The following BBS12 variants were observed in gnomAD, a reference collection of about 807,000 sequenced individuals.
BBS12 encodes the protein Bardet-Biedl syndrome 12, also known as chaperonin-containing T-complex member BBS12.
In BBS12, 5 loss-of-function variants were observed where a neutral mutation model predicts 5.6. The observed-to-expected ratio is 0.89, with a 90% confidence interval of 0.46 to 1.86. BBS12 has a LOEUF of 1.86. Ranked by LOEUF, BBS12 falls within the 40% of genes most tolerant of loss-of-function variation. The pLI, the probability that BBS12 is intolerant of heterozygous loss-of-function variation, is 0.01. For missense variants in BBS12, 748 were observed against 830.4 expected, an observed-to-expected ratio of 0.90 and a Z score of 1.22; for synonymous variants, 308 against 306.8, an observed-to-expected ratio of 1.00 and a Z score of -0.04.
rs1387834448 is a variant in BBS12, at chr4:122,744,531, C to T, written c.*506C>T. On this transcript the variant is annotated 3_prime_UTR_variant, in exon 2 of 2. Coordinates refer to ENST00000314218, the MANE Select transcript of BBS12 (RefSeq NM_152618.3). ...GACATGGACTAGGTAAAGACAAAGT[C>T]CTTGCATTCTTGACATACCCAGTAA... The T allele has an allele frequency of 5.9e-6, 1 of 170,250 alleles. No homozygotes were observed. Among genetic ancestry groups the T allele is most frequent in the African/African-American group, 2.4e-5 (1 of 41,468 alleles). 10.5% of individuals were successfully genotyped at this position (170,250 alleles called of 1,614,324 possible).
the BBS12 span, among the ~76,000 whole-genome samples, chr4:122,727,697 C>T: frequency 8.6e-5 from 13 of 150,298 alleles, no homozygotes; most frequent in Admixed American, 4.6e-4. Context: ...GGATTACAGG[C>T]GCCTGCCACC....
rs144843913 is a variant in BBS12, at chr4:122,743,916, G to A, written c.2024G>A (p.Arg675Gln). The A allele has an allele frequency of 2.1e-5, 34 of 1,607,354 alleles. No individual in the cohort carries two copies. The highest frequency in any genetic ancestry group is 1.2e-4 in the African/African-American group (9 of 74,532). Residue 675 changes from arginine (R) to glutamine (Q), a missense_variant, in exon 2 of 2, where the codon CGA becomes CAA. Physicochemically the swap from Arg to Gln is conservative, Grantham distance 43. Transcript: ENST00000314218. ...ACACCAAAGATTGAGGCGTGGCGCC[G>A]AGCATTGGATTTAGTATTGTTAGTA... is the stretch of plus-strand genomic sequence containing the variant. ...VVTPKIEAWR[R>Q]ALDLVLLVLQ... is the part of the protein sequence containing the mutation.
the BBS12 span, among the ~76,000 whole-genome samples, chr4:122,724,027 GT>G: frequency 6.6e-6 from 1 of 152,142 alleles, no homozygotes; most frequent in East Asian, 1.9e-4. Flanking sequence ...CTCTTAGTTG[GT>G]TCCTTGTATA....
At chr4:122,727,544 A>ATTTTTTTTTTTTTTTTTTTTTTTT in the BBS12 span, among the ~76,000 whole-genome samples, 72 of 82,278 alleles carry the variant, frequency 8.8e-4, 17 homozygotes, top group East Asian at 6.1e-3. Flanking sequence ...CCCCTGGCCA[A>ATTTTTTTTTTTTTTTTTTTTTTTT]TTTTTTTTTT....
chr4:122,721,883 C>T, the BBS12 span, among the ~76,000 whole-genome samples: 3 of 152,148 alleles, frequency 2.0e-5, no homozygotes, highest in Non-Finnish European at 4.4e-5. Flanking sequence ...GGAAATTAAG[C>T]CTCTACCTGT....
At chr4:122,736,841 G>A (rs185928962) in intron 1 of BBS12, among the ~76,000 whole-genome samples, 9 of 152,174 alleles carry the variant, frequency 5.9e-5, no homozygotes, top group East Asian at 1.9e-4. Context: ...AATTATAGCC[G>A]ACTGTAACCT....
the BBS12 span, among the ~76,000 whole-genome samples, chr4:122,723,737 A>G: frequency 6.6e-6 from 1 of 152,228 alleles, no homozygotes; most frequent in Non-Finnish European, 1.5e-5. Flanking sequence ...ACTAAACAAC[A>G]GCTTAGAGGA....
At chr4:122,728,651 G>T (rs574882703), upstream of BBS12, 2 of 152,286 alleles carry the variant, frequency 1.3e-5, no homozygotes, top group East Asian at 3.9e-4. Context: ...TGGTCTAGAA[G>T]AAATGTTACA....
chr4:122,726,871 T>C, the BBS12 span, among the ~76,000 whole-genome samples: 6 of 152,170 alleles, frequency 3.9e-5, no homozygotes, highest in African/African-American at 1.4e-4. Flanking sequence ...CCAAACATCA[T>C]ATGTTCTCAC....
intron 1 of BBS12, among the ~76,000 whole-genome samples, chr4:122,740,379 A>C (rs922275432): frequency 5.3e-5 from 8 of 152,262 alleles, no homozygotes; most frequent in Non-Finnish European, 1.5e-5. Context: ...TATGTCAAGC[A>C]TTCATTATTC....
chr4:122,716,623 A>T, the BBS12 span, among the ~76,000 whole-genome samples: 1 of 85,722 alleles, frequency 1.2e-5, no homozygotes, highest in Admixed American at 1.0e-4. Context: ...GTATATGCAC[A>T]TACACATATG....
At chr4:122,724,111 A>G in the BBS12 span, among the ~76,000 whole-genome samples, 3 of 152,344 alleles carry the variant, frequency 2.0e-5, no homozygotes, top group Non-Finnish European at 2.9e-5. Context: ...CTATTGCTGC[A>G]TAACTGTCCC....
At chr4:122,727,100 A>T in the BBS12 span, among the ~76,000 whole-genome samples, 96 of 151,950 alleles carry the variant, frequency 6.3e-4, no homozygotes, top group Non-Finnish European at 3.8e-4. Flanking sequence ...AAATAAAAAC[A>T]TTTTTTTAAA....
At chr4:122,734,593 A>G (rs71606261) in intron 1 of BBS12, among the ~76,000 whole-genome samples, 2,829 of 152,234 alleles carry the variant, frequency 0.019, 47 homozygotes, top group Non-Finnish European at 0.031. Flanking sequence ...TACTAATATT[A>G]AAAGGATTTC....
chr4:122,707,038 G>C, the BBS12 span, among the ~76,000 whole-genome samples: 2 of 97,322 alleles, frequency 2.1e-5, no homozygotes, highest in African/African-American at 5.1e-5. Context: ...TATTCATTTT[G>C]TCTCTCTCTC....
In BBS12 at chr4:122,743,797, C is replaced by A; in HGVS notation, c.1905C>A (p.Tyr635Ter). Residue 635 changes from tyrosine (Y) to a stop codon, truncating the protein, a stop_gained, in exon 2 of 2, where the codon TAC (tyrosine) becomes TAA (stop). Transcript: ENST00000314218. LOFTEE classifies it high-confidence loss of function. ...CAGACTCTGGCTCTCCTTCATCTTACATCTTGAATGAATATAGTAAACTAA... is the reference window on the plus strand; with the variant it reads ...CAGACTCTGGCTCTCCTTCATCTTAAATCTTGAATGAATATAGTAAACTAA... ...NATDSGSPSS[Y>*]ILNEYSKLNS... The A allele has an allele frequency of 6.2e-7, 1 of 1,613,582 alleles. No individual in the cohort carries two copies. The highest frequency in any genetic ancestry group is 1.1e-5 in the South Asian group (1 of 90,904).
At chr4:122,722,242 G>A in the BBS12 span, among the ~76,000 whole-genome samples, 12 of 152,266 alleles carry the variant, frequency 7.9e-5, no homozygotes, top group African/African-American at 2.9e-4. Flanking sequence ...AAGTATGGGC[G>A]TGTTTCAGGA....
chr4:122,725,984 C>T, the BBS12 span, among the ~76,000 whole-genome samples: 3 of 150,846 alleles, frequency 2.0e-5, no homozygotes, highest in Non-Finnish European at 4.4e-5. Context: ...AAGACGACAT[C>T]GGAAATACCC....
chr4:122,703,240 G>A, the BBS12 span, among the ~76,000 whole-genome samples: 1 of 152,180 alleles, frequency 6.6e-6, no homozygotes, highest in South Asian at 2.1e-4. Flanking sequence ...ATGAGGACCT[G>A]CCACTATCTT....
Sources: allele counts gnomAD v4.1 joint callset (sites outside exome capture counted in the v4.1 genomes callset), GRCh38; gene constraint gnomAD v4.1.1; transcripts MANE v1.5; gene names NCBI Gene and HGNC (gene_info 2026-07-23, HGNC 2026-07-21).